RSF1: variants seen among roughly 807,000 people sequenced by gnomAD.
The protein encoded by RSF1 is HBV pX-associated protein 8.
RSF1 carries 13 observed loss-of-function variants against 145.2 expected under a neutral mutation model. The ratio of observed to expected loss-of-function variants is 0.09; its 90% CI spans 0.06 to 0.14. The LOEUF is 0.14. RSF1 is among the 10% of genes least tolerant of loss of function. The pLI is 1.00. For missense variants in RSF1, 1,517 were observed against 1,718.2 expected, an observed-to-expected ratio of 0.88 and a Z score of 2.07; for synonymous variants, 577 against 592.6, an observed-to-expected ratio of 0.97 and a Z score of 0.38.
rs189121498 is a variant in RSF1 at position 77,752,342 on chromosome 11, A to T, written c.280-5214T>A. Among the ~76,000 whole-genome samples the T allele has an allele frequency of 4.2e-4, 64 of 152,306 alleles. No homozygotes were observed. In the East Asian group the frequency reaches 0.012, roughly 28 times the overall value. ...TGTTAGCACGTATACGGTAAGAAAG[A>T]AAGGGGGAACATGGCACAGCTCAGG... On this transcript the variant is annotated intron_variant, in intron 2 of 15. Coordinates refer to ENST00000308488, the MANE Select transcript of RSF1 (RefSeq NM_016578.4).
intron 4 of RSF1, among the ~76,000 whole-genome samples, chr11:77,728,465 G>C (rs140015947): frequency 6.6e-6 from 1 of 151,628 alleles, no homozygotes; most frequent in Admixed American, 6.6e-5. Flanking sequence ...ACCTGAGGTC[G>C]GGAGATGGAG....
chr11:77,766,813 T>C (rs941866131), intron 1 of RSF1, among the ~76,000 whole-genome samples: 4 of 151,992 alleles, frequency 2.6e-5, no homozygotes, highest in African/African-American at 9.7e-5. Flanking sequence ...TTTTTAAATA[T>C]TAACAAAAGA....
intron 5 of RSF1, among the ~76,000 whole-genome samples, chr11:77,720,299 A>T (rs1337310635): frequency 6.6e-6 from 1 of 152,202 alleles, no homozygotes; most frequent in Non-Finnish European, 1.5e-5. Context: ...GTCTTCTTTC[A>T]ATTAGTAGAA....
chr11:77,825,080 A>C (rs1949106393), upstream of RSF1, among the ~76,000 whole-genome samples: 1 of 152,198 alleles, frequency 6.6e-6, no homozygotes, highest in South Asian at 2.1e-4. Context: ...TCCTGGTTTC[A>C]CGCCATTCTA....
intron 1 of RSF1, among the ~76,000 whole-genome samples, chr11:77,775,760 CTGTTTCTT>C (rs1191862680): frequency 6.6e-6 from 1 of 152,096 alleles, no homozygotes; most frequent in Non-Finnish European, 1.5e-5. Context: ...TAGTGAGACC[CTGTTTCTT>C]TGTTTGTTTG....
At chr11:77,830,759 A>G in the RSF1 span, among the ~76,000 whole-genome samples, 1 of 152,224 alleles carries the variant, frequency 6.6e-6, no homozygotes, top group East Asian at 1.9e-4. Flanking sequence ...CATTTCACCA[A>G]AGAAAATATA....
chr11:77,850,115 C>T, the RSF1 span, among the ~76,000 whole-genome samples: 1 of 152,164 alleles, frequency 6.6e-6, no homozygotes, highest in Admixed American at 6.5e-5. Context: ...CTGTTTTTAT[C>T]CTTTTTAACA....
Position 77,820,517 on chromosome 11 carries a change from C to G in RSF1, c.187+11G>C. The G allele has an allele frequency of 6.5e-7, 1 of 1,547,180 alleles. No homozygotes were observed. Among genetic ancestry groups the G allele is most frequent in the Non-Finnish European group, 8.7e-7 (1 of 1,146,354 alleles). The stretch of plus-strand genomic sequence containing the variant: ...GCCGCTTCCCGCCGGGCGTTCGGGC[C>G]CCTCGCTTACCTTCTCCGTTGCCGA... On this transcript the variant is annotated intron_variant, in intron 1 of 15. Coordinates refer to ENST00000308488, the MANE Select transcript of RSF1 (RefSeq NM_016578.4).
chr11:77,769,787 C>G (rs914606500), intron 1 of RSF1, among the ~76,000 whole-genome samples: 1 of 152,228 alleles, frequency 6.6e-6, no homozygotes, highest in Non-Finnish European at 1.5e-5. Flanking sequence ...CACCTCATAA[C>G]GGCTAAACAC....
intron 4 of RSF1, among the ~76,000 whole-genome samples, chr11:77,726,831 T>A (rs1961065435): frequency 6.6e-6 from 1 of 152,206 alleles, no homozygotes. Context: ...GCCAGCTAGA[T>A]TCTACTGCTT....
chr11:77,804,135 G>A (rs1467988735), intron 1 of RSF1, among the ~76,000 whole-genome samples: 2 of 152,202 alleles, frequency 1.3e-5, no homozygotes, highest in Non-Finnish European at 2.9e-5. Context: ...GATGTGCTGG[G>A]AAGGTGACAT....
At chr11:77,694,442 C>T (rs1025600268) in intron 7 of RSF1, among the ~76,000 whole-genome samples, 1 of 152,164 alleles carries the variant, frequency 6.6e-6, no homozygotes. Flanking sequence ...TTCGTAACAT[C>T]ACTTAGTCTT....
intron 4 of RSF1, chr11:77,735,080 C>T (rs534087554): frequency 4.9e-5 from 51 of 1,043,914 alleles, no homozygotes; most frequent in African/African-American, 2.0e-4. Flanking sequence ...GGCGCTGGGG[C>T]GGCGGCAGGG....
chr11:77,737,472 A>AACAACAAC (rs1565165016), intron 4 of RSF1, among the ~76,000 whole-genome samples: 1 of 110,396 alleles, frequency 9.1e-6, no homozygotes, highest in African/African-American at 4.5e-5. Context: ...AAAAACCAAA[A>AACAACAAC]AACAACAACA....
At position 77,702,329 on chromosome 11, in the gene RSF1, T is replaced by G. The variant is rs772048151; in HGVS notation, c.900A>C (p.Pro300=). 1.9e-6 allele frequency: 3 copies of G among 1,609,664 alleles called. No homozygotes were observed. Among genetic ancestry groups the G allele is most frequent in the Non-Finnish European group, 2.5e-6 (3 of 1,179,072 alleles). ...TGATAATCTTTTTTTCTTCATTTTCTGGCAAAGGTTTTTCTAGCTTCACTA... is the reference window on the plus strand; with the variant it reads ...TGATAATCTTTTTTTCTTCATTTTCGGGCAAAGGTTTTTCTAGCTTCACTA... ...PVIVKLEKPL[P]ENEEKKIIKE... Residue 300 remains proline, a synonymous_variant, in exon 6 of 16, where the codon CCA becomes CCC. Coordinates refer to ENST00000308488, the MANE Select transcript of RSF1 (RefSeq NM_016578.4).
intron 15 of RSF1, among the ~76,000 whole-genome samples, chr11:77,669,867 C>T (rs1590819778): frequency 6.6e-6 from 1 of 152,312 alleles, no homozygotes; most frequent in Middle Eastern, 3.4e-3. Flanking sequence ...GTGGCTTACA[C>T]CTGTAATCCT....
intron 4 of RSF1, chr11:77,735,099 G>C (rs1961312819): frequency 1.2e-6 from 1 of 868,648 alleles, no homozygotes; most frequent in Non-Finnish European, 1.9e-6. Context: ...GGGCCTTGGG[G>C]CGGTCTGAGG....
intron 4 of RSF1, chr11:77,734,397 A>G: frequency 1.0e-6 from 1 of 975,588 alleles, no homozygotes; most frequent in East Asian, 2.4e-5. Flanking sequence ...TAGAAAAGGT[A>G]AAGGAAACCC....
At chr11:77,700,607 G>C (rs1960394662) in intron 6 of RSF1, 114 bp downstream of exon 6, 1 of 706,606 alleles carries the variant, frequency 1.4e-6, no homozygotes. Flanking sequence ...ATCTCAGACA[G>C]AGGAAGAAAG....
Sources: allele counts gnomAD v4.1 joint callset (sites outside exome capture counted in the v4.1 genomes callset), GRCh38; gene constraint gnomAD v4.1.1; transcripts MANE v1.5; gene names NCBI Gene and HGNC (gene_info 2026-07-23, HGNC 2026-07-21).